CHD9: variants seen among roughly 807,000 people sequenced by gnomAD.
CHD9 encodes ATP-dependent chromatin remodeler CHD9.
A neutral mutation model predicts 316.1 loss-of-function variants in CHD9; 77 were observed. The ratio of observed to expected loss-of-function variants is 0.24; its 90% CI spans 0.20 to 0.29. CHD9 has a LOEUF of 0.29. Ranked by LOEUF, CHD9 falls within the 10% of genes least tolerant of loss-of-function variation. The pLI, the probability that CHD9 is intolerant of heterozygous loss-of-function variation, is 1.00. For synonymous variants in CHD9, 1,129 were observed against 1,158.3 expected, an observed-to-expected ratio of 0.97 and a Z score of 0.51; for missense variants, 2,763 against 3,438.1, an observed-to-expected ratio of 0.80 and a Z score of 4.91.
chr16:53,192,878 A>G (rs1246485051), intron 2 of CHD9, among the ~76,000 whole-genome samples: 1 of 152,180 alleles, frequency 6.6e-6, no homozygotes, highest in Non-Finnish European at 1.5e-5. Flanking sequence ...TCACAAGTTA[A>G]AGGGTATTTG....
chr16:53,215,088 A>G (rs965221820), intron 3 of CHD9, among the ~76,000 whole-genome samples: 1 of 151,712 alleles, frequency 6.6e-6, no homozygotes. Flanking sequence ...AATTTTTTGT[A>G]TTTCTTTTTA....
chr16:53,250,340 T>G (rs2050023100), intron 17 of CHD9: 1 of 323,028 alleles, frequency 3.1e-6, no homozygotes. Flanking sequence ...ACTTTTTGTT[T>G]GTTTATTTAG....
At chr16:53,075,265 T>C (rs745452705) in intron 1 of CHD9, among the ~76,000 whole-genome samples, 1 of 152,158 alleles carries the variant, frequency 6.6e-6, no homozygotes, top group Non-Finnish European at 1.5e-5. Flanking sequence ...CTAGCTTGCT[T>C]TTGATTTTAC....
chr16:53,211,870 C>T (rs1289119997), intron 3 of CHD9, among the ~76,000 whole-genome samples: 1 of 152,082 alleles, frequency 6.6e-6, no homozygotes, highest in Non-Finnish European at 1.5e-5. Flanking sequence ...TTCCAATAAG[C>T]CACTATACTT....
intron 2 of CHD9, 52 bp from the exon 3 acceptor site, chr16:53,209,430 T>C: frequency 1.7e-6 from 2 of 1,188,074 alleles, no homozygotes; most frequent in Non-Finnish European, 2.3e-6. Flanking sequence ...TTGTGACAAT[T>C]GTTTTAGATG....
intron 38 of CHD9, among the ~76,000 whole-genome samples, chr16:53,323,206 G>A (rs1048665347): frequency 6.6e-6 from 1 of 152,078 alleles, no homozygotes; most frequent in Non-Finnish European, 1.5e-5. Context: ...AATTTTTATA[G>A]ATTACATATT....
At chr16:53,209,840 T>G in intron 3 of CHD9, 27 bp downstream of exon 3, 6 of 1,401,600 alleles carry the variant, frequency 4.3e-6, no homozygotes, top group Non-Finnish European at 3.9e-6. Flanking sequence ...TTAAATTTAA[T>G]TCCTTTCAAT....
At chr16:53,077,784 T>A (rs2034671878) in intron 1 of CHD9, among the ~76,000 whole-genome samples, 1 of 152,178 alleles carries the variant, frequency 6.6e-6, no homozygotes, top group Admixed American at 6.6e-5. Flanking sequence ...TTTTGAAATA[T>A]GCAATGCGAC....
At chr16:53,295,469 A>AT (rs2153060788) in intron 29 of CHD9, among the ~76,000 whole-genome samples, 1 of 152,168 alleles carries the variant, frequency 6.6e-6, no homozygotes, top group East Asian at 1.9e-4. Context: ...ACAGTATTCT[A>AT]TTTTTTGTAC....
chr16:53,250,506 A>G (rs1053471457), intron 17 of CHD9: 2 of 152,934 alleles, frequency 1.3e-5, no homozygotes, highest in African/African-American at 4.8e-5. Context: ...TAAACTTGAG[A>G]GAGACCTAAG....
chr16:53,232,873 G>A (rs1181991956), intron 10 of CHD9, among the ~76,000 whole-genome samples: 1 of 152,168 alleles, frequency 6.6e-6, no homozygotes, highest in African/African-American at 2.4e-5. Flanking sequence ...AGCCTGTTTT[G>A]TTTTCCATGT....
chr16:53,253,373 CAT>C (rs1167742295), intron 17 of CHD9, among the ~76,000 whole-genome samples: 1 of 152,106 alleles, frequency 6.6e-6, no homozygotes, highest in Admixed American at 6.6e-5. Context: ...TGTTCTCACT[CAT>C]AAGTGGGAAC....
intron 1 of CHD9, among the ~76,000 whole-genome samples, chr16:53,146,800 A>C (rs1016212582): frequency 2.4e-4 from 37 of 151,802 alleles, no homozygotes; most frequent in African/African-American, 8.7e-4. Flanking sequence ...CGGTCTCAAA[A>C]AAAAAAAAAA....
chr16:53,322,046 G>A (rs1250684231), intron 38 of CHD9, among the ~76,000 whole-genome samples: 1 of 147,360 alleles, frequency 6.8e-6, no homozygotes, highest in Non-Finnish European at 1.5e-5. Context: ...CACCCAGGCT[G>A]GAGTGCAGTG....
chr16:53,091,393 T>C (rs1231680557), intron 1 of CHD9, among the ~76,000 whole-genome samples: 1 of 152,186 alleles, frequency 6.6e-6, no homozygotes, highest in African/African-American at 2.4e-5. Context: ...ATTGTGAGGA[T>C]TCAGGGAGAT....
In CHD9 at chr16:53,117,413, T is replaced by C. The variant is rs553523344; in HGVS notation, c.-164-38513T>C. ...ACATTCAGTTCTCTGACGTAATATATATATATATATATATTTTTGGAAACA... is the reference window on the plus strand; with the variant it reads ...ACATTCAGTTCTCTGACGTAATATACATATATATATATATTTTTGGAAACA... On this transcript the variant is annotated intron_variant, in intron 1 of 38. Coordinates refer to ENST00000447540, the MANE Select transcript of CHD9 (RefSeq NM_001308319.2). Among the ~76,000 whole-genome samples the C allele has an allele frequency of 5.4e-3, 814 of 151,614 alleles. 11 individuals carry two copies. The highest frequency in any genetic ancestry group is 0.019 in the African/African-American group (769 of 41,356).
chr16:53,253,738 C>G (rs1222653271), intron 17 of CHD9, among the ~76,000 whole-genome samples: 1 of 152,148 alleles, frequency 6.6e-6, no homozygotes, highest in Non-Finnish European at 1.5e-5. Context: ...GTGGTAGGAT[C>G]TCTTGAGCCC....
Position 53,314,907 on chromosome 16 carries a change from A to T in CHD9, c.7447A>T (p.Thr2483Ser). ...TACTCAACCTCAAGGAATTCCTGAT[A>T]CAGAAAGTCCAGTTCCAGTTATTAA... is the stretch of plus-strand genomic sequence containing the variant. The part of the protein sequence containing the change: ...SYTQPQGIPD[T>S]ESPVPVINLK... The change falls in exon 36 of 39, where the codon ACA becomes TCA. Residue 2483 changes from threonine (T) to serine (S), a missense_variant. Thr to Ser is a moderately conservative substitution (Grantham distance 58, BLOSUM62 1). Coordinates refer to ENST00000447540, the MANE Select transcript of CHD9 (RefSeq NM_001308319.2). 6.2e-7 allele frequency: 1 copy of T among 1,613,652 alleles called. No individual in the cohort carries two copies. Among genetic ancestry groups the T allele is most frequent in the South Asian group, 1.1e-5 (1 of 91,082 alleles).
At chr16:53,306,420 G>C in intron 32 of CHD9, 23 bp downstream of exon 32, 1 of 1,538,134 alleles carries the variant, frequency 6.5e-7, no homozygotes, top group Non-Finnish European at 8.7e-7. Context: ...TTTCTTATTG[G>C]GATAGGTCAT....
Sources: gnomAD v4.1 joint callset for allele counts (sites outside exome capture counted in the v4.1 genomes callset) on GRCh38, gnomAD v4.1.1 for gene constraint, MANE v1.5 for transcripts, NCBI Gene and HGNC (gene_info 2026-07-23, HGNC 2026-07-21) for gene names.